Variants in B3GALT1 observed in about 807,000 individuals in gnomAD.
The protein encoded by B3GALT1 is UDP-Gal:betaGlcNAc beta 1,3-galactosyltransferase, polypeptide 1.
Under a neutral mutation model 23.2 loss-of-function variants are expected in B3GALT1, and 10 were observed. The ratio of observed to expected loss-of-function variants is 0.43; its 90% confidence interval spans 0.27 to 0.73. B3GALT1 has a LOEUF of 0.73. Ranked by LOEUF, B3GALT1 falls within the 30% of genes least tolerant of loss-of-function variation. The pLI, the probability that B3GALT1 is intolerant of heterozygous loss-of-function variation, is 0.21. For missense variants in B3GALT1, 299 were observed against 405.4 expected (o/e 0.74, Z 2.25); for synonymous variants, 156 against 141.5 (o/e 1.10, Z -0.73).
chr2:167,532,533 T>C (rs972046642), intron 2 of B3GALT1, among the ~76,000 whole-genome samples: 1 of 152,088 alleles, frequency 6.6e-6, no homozygotes, highest in Non-Finnish European at 1.5e-5. Flanking sequence ...TACTTCACGC[T>C]GTTCTCACCT....
chr2:167,546,067 T>C (rs1159328802), intron 2 of B3GALT1, among the ~76,000 whole-genome samples: 1 of 152,198 alleles, frequency 6.6e-6, no homozygotes, highest in African/African-American at 2.4e-5. Context: ...ATATTGGTGC[T>C]CAAAATGTTT....
intron 3 of B3GALT1, among the ~76,000 whole-genome samples, chr2:167,664,174 A>G (rs1686127899): frequency 6.7e-6 from 1 of 149,706 alleles, no homozygotes. Flanking sequence ...TCAGCTTTCT[A>G]CATATGGCTA....
intron 2 of B3GALT1, chr2:167,631,522 C>G (rs1401544400): frequency 1.3e-5 from 2 of 151,740 alleles, no homozygotes; most frequent in Admixed American, 1.3e-4. Context: ...TAGACAAATT[C>G]TAAAAGAGGC....
chr2:167,390,532 AATACACCACT>A (rs1559082813), intron 1 of B3GALT1, among the ~76,000 whole-genome samples: 1 of 152,130 alleles, frequency 6.6e-6, no homozygotes, highest in Non-Finnish European at 1.5e-5. Flanking sequence ...TTTCAAACTA[AATACACCACT>A]ACCTTCTCTT....
At chr2:167,572,293 G>A (rs909150159) in intron 2 of B3GALT1, among the ~76,000 whole-genome samples, 1 of 151,588 alleles carries the variant, frequency 6.6e-6, no homozygotes, top group Non-Finnish European at 1.5e-5. Flanking sequence ...TATCTGTTCA[G>A]GAATATTTCT....
intron 1 of B3GALT1, among the ~76,000 whole-genome samples, chr2:167,464,758 A>G (rs1304143899): frequency 1.3e-5 from 2 of 152,234 alleles, no homozygotes; most frequent in Admixed American, 6.5e-5. Flanking sequence ...GGAGGAATAG[A>G]TATGAGATGC....
At chr2:167,565,211 C>T (rs1684132494) in intron 2 of B3GALT1, among the ~76,000 whole-genome samples, 1 of 152,130 alleles carries the variant, frequency 6.6e-6, no homozygotes, top group Non-Finnish European at 1.5e-5. Flanking sequence ...TGCATATCTA[C>T]AACTATCTGA....
chr2:167,397,668 C>T (rs2689848), intron 1 of B3GALT1, among the ~76,000 whole-genome samples: 141,044 of 152,194 alleles, frequency 0.93, 65,949 homozygotes, highest in Non-Finnish European at 0.99. Flanking sequence ...GTGTCCTGTC[C>T]TTTCTTGACA....
chr2:167,573,757 AC>A (rs1229264475), intron 2 of B3GALT1, among the ~76,000 whole-genome samples: 11 of 151,686 alleles, frequency 7.3e-5, no homozygotes, highest in Non-Finnish European at 1.0e-4. Flanking sequence ...TACATAAATA[AC>A]CTATTCCAAT....
chr2:167,401,165 CAG>C (rs560800527), intron 1 of B3GALT1, among the ~76,000 whole-genome samples: 87 of 152,098 alleles, frequency 5.7e-4, no homozygotes, highest in African/African-American at 2.0e-3. Flanking sequence ...TTTAAATTAC[CAG>C]AGAGTCTCAA....
At chr2:167,776,435 C>G (rs936869060) in intron 3 of B3GALT1, among the ~76,000 whole-genome samples, 9 of 152,146 alleles carry the variant, frequency 5.9e-5, no homozygotes, top group African/African-American at 2.2e-4. Context: ...AACGTTTTCT[C>G]TAAAGTATGA....
intron 1 of B3GALT1, among the ~76,000 whole-genome samples, chr2:167,437,066 G>T (rs752062541): frequency 1.3e-5 from 2 of 152,072 alleles, no homozygotes; most frequent in Non-Finnish European, 2.9e-5. Flanking sequence ...TCCTTTCATT[G>T]AATTTCTTTT....
At position 167,563,775 on chromosome 2, in the gene B3GALT1, C is replaced by CCGGGGGG; in HGVS notation, c.-410+73498_-410+73499insCGGGGGG. Reference sequence around the variant, plus strand: ...ACCTCCCGGACGGGGCGGCTGGACTCGGGGCTGACCCCCCCACCTCCCCCC... The same window carrying CCGGGGGG: ...ACCTCCCGGACGGGGCGGCTGGACTCCGGGGGGGGGGCTGACCCCCCCACCTCCCCCC... On this transcript the variant is annotated intron_variant, in intron 2 of 4. Coordinates refer to ENST00000392690, the MANE Select transcript of B3GALT1 (RefSeq NM_020981.4). Among the ~76,000 whole-genome samples the CCGGGGGG allele has an allele frequency of 2.8e-4, 6 of 21,218 alleles. 1 individual carries two copies. Among genetic ancestry groups the CCGGGGGG allele is most frequent in the Non-Finnish European group, 2.7e-4 (4 of 14,960 alleles). 13.9% of individuals were successfully genotyped at this position (21,218 alleles called of 152,430 possible).
At chr2:167,799,711 C>T (rs1688604782) in intron 3 of B3GALT1, among the ~76,000 whole-genome samples, 1 of 152,164 alleles carries the variant, frequency 6.6e-6, no homozygotes, top group Admixed American at 6.5e-5. Flanking sequence ...CTTTCTAGAG[C>T]ACTCTAAATG....
chr2:167,527,617 T>C (rs7609221), intron 2 of B3GALT1, among the ~76,000 whole-genome samples: 84,256 of 151,992 alleles, frequency 0.55, 26,366 homozygotes, highest in East Asian at 0.99. Flanking sequence ...TTTTCAAACT[T>C]GTGTATTCAT....
intron 2 of B3GALT1, among the ~76,000 whole-genome samples, chr2:167,570,313 G>A (rs1223255739): frequency 6.6e-6 from 1 of 151,748 alleles, no homozygotes; most frequent in African/African-American, 2.4e-5. Flanking sequence ...GTTTTGGAAG[G>A]TTATTAGTTA....
intron 3 of B3GALT1, among the ~76,000 whole-genome samples, chr2:167,793,824 G>A (rs535199446): frequency 6.6e-6 from 1 of 152,276 alleles, no homozygotes; most frequent in South Asian, 2.1e-4. Context: ...TTTTGCAAAT[G>A]TTACAGGCCA....
At chr2:167,368,226 A>G (rs941667391) in intron 1 of B3GALT1, among the ~76,000 whole-genome samples, 5 of 152,232 alleles carry the variant, frequency 3.3e-5, no homozygotes, top group African/African-American at 1.2e-4. Flanking sequence ...GTGTGACTGG[A>G]GTGCTCAAGT....
chr2:167,481,226 AC>A (rs111398168), intron 1 of B3GALT1, among the ~76,000 whole-genome samples: 4,782 of 152,008 alleles, frequency 0.031, 202 homozygotes, highest in East Asian at 0.15. Flanking sequence ...GGTAAAAAAA[AC>A]ATAACTAAAA....
Sources: allele counts gnomAD v4.1 joint callset (sites outside exome capture counted in the v4.1 genomes callset), GRCh38; gene constraint gnomAD v4.1.1; transcripts MANE v1.5; gene names NCBI Gene and HGNC (gene_info 2026-07-23, HGNC 2026-07-21).